Variants in PTPRK observed in about 807,000 individuals in gnomAD.
The protein encoded by PTPRK is protein tyrosine phosphatase receptor type K, also known as receptor-type tyrosine-protein phosphatase kappa.
A neutral mutation model predicts 178.0 loss-of-function variants in PTPRK; 75 were observed. The ratio of observed to expected loss-of-function variants is 0.42; its 90% CI spans 0.35 to 0.51. The LOEUF is 0.51. PTPRK is among the 20% of genes least tolerant of loss of function. The pLI is 0.02. For synonymous variants in PTPRK, 637 were observed against 620.6 expected, an observed-to-expected ratio of 1.03 and a Z score of -0.39; for missense variants, 1,441 against 1,797.8, an observed-to-expected ratio of 0.80 and a Z score of 3.59.
chr6:128,287,244 G>A (rs560033984), intron 3 of PTPRK, among the ~76,000 whole-genome samples: 5 of 152,224 alleles, frequency 3.3e-5, no homozygotes, highest in Non-Finnish European at 5.9e-5. Flanking sequence ...TGGGATGAAC[G>A]TAGGGGGCAC....
chr6:127,979,227 G>C (rs962902115), intron 25 of PTPRK, among the ~76,000 whole-genome samples: 1 of 152,184 alleles, frequency 6.6e-6, no homozygotes, highest in East Asian at 1.9e-4. Flanking sequence ...AGTCATCTGT[G>C]ATCATGCACG....
intron 7 of PTPRK, among the ~76,000 whole-genome samples, chr6:128,114,965 T>C: frequency 6.6e-6 from 1 of 151,512 alleles, no homozygotes; most frequent in South Asian, 2.1e-4. Context: ...TTTATACATG[T>C]GTCTTATTCT....
chr6:128,378,968 A>C (rs1028580752), intron 2 of PTPRK, among the ~76,000 whole-genome samples: 2 of 152,144 alleles, frequency 1.3e-5, no homozygotes, highest in African/African-American at 2.4e-5. Flanking sequence ...AAACTTTAAG[A>C]AGCTATTTTA....
intron 1 of PTPRK, among the ~76,000 whole-genome samples, chr6:128,458,793 A>G (rs1273741021): frequency 6.6e-6 from 1 of 152,220 alleles, no homozygotes; most frequent in African/African-American, 2.4e-5. Context: ...AGAATCACAG[A>G]GCATTTTTCA....
chr6:128,031,957 A>T (rs916214012), intron 13 of PTPRK, among the ~76,000 whole-genome samples: 3 of 152,070 alleles, frequency 2.0e-5, no homozygotes, highest in African/African-American at 7.2e-5. Flanking sequence ...GGCTGTGATA[A>T]GCTCCCAAAT....
At chr6:128,449,094 T>C (rs990928015) in intron 1 of PTPRK, among the ~76,000 whole-genome samples, 4 of 152,020 alleles carry the variant, frequency 2.6e-5, no homozygotes, top group East Asian at 3.9e-4. Context: ...ACTCCTGACC[T>C]CGTGATCCAC....
intron 7 of PTPRK, among the ~76,000 whole-genome samples, chr6:128,098,577 T>C (rs905396726): frequency 2.6e-5 from 4 of 152,164 alleles, no homozygotes; most frequent in Admixed American, 6.6e-5. Flanking sequence ...CCCACAAGTA[T>C]AATTAATACG....
chr6:128,355,650 G>A (rs572661601), intron 2 of PTPRK, among the ~76,000 whole-genome samples: 23 of 152,284 alleles, frequency 1.5e-4, no homozygotes, highest in Non-Finnish European at 2.4e-4. Flanking sequence ...CTGTTGTGGG[G>A]TGGGAGGACG....
chr6:128,278,151 A>G (rs1176065872), intron 3 of PTPRK, among the ~76,000 whole-genome samples: 2 of 149,966 alleles, frequency 1.3e-5, no homozygotes, highest in African/African-American at 4.9e-5. Context: ...TTATTTATTT[A>G]TTTATTTATT....
chr6:128,401,145 CA>C (rs1255920927), intron 1 of PTPRK, among the ~76,000 whole-genome samples: 1 of 152,164 alleles, frequency 6.6e-6, no homozygotes. Context: ...ACAGATCTAT[CA>C]CCGAAATGGT....
chr6:128,397,262 A>G (rs576013258), intron 2 of PTPRK, among the ~76,000 whole-genome samples: 1 of 152,282 alleles, frequency 6.6e-6, no homozygotes, highest in African/African-American at 2.4e-5. Flanking sequence ...TTTTTTGGAA[A>G]GGATTTTTTT....
rs796437222 is a variant in PTPRK at position 128,168,053 on chromosome 6, G to A, written c.1162+16379C>T. 1.4e-4 allele frequency among the ~76,000 whole-genome samples: 21 copies of A among 152,174 alleles called. 1 individual carries two copies. Among genetic ancestry groups the A allele is most frequent in the African/African-American group, 4.8e-4 (20 of 41,564 alleles). On this transcript the variant is annotated intron_variant, in intron 7 of 29. Transcript: ENST00000368226. ...TTATCCTAAAAGCAGAGCAAAATAA[G>A]AGTAGTACTTAGAAGTTAAAATCTC... is the stretch of plus-strand genomic sequence containing the variant.
In PTPRK at chr6:128,017,403, T is replaced by C. The variant is rs139578742; in HGVS notation, c.2195-8135A>G. On this transcript the variant is annotated intron_variant, in intron 13 of 29. Coordinates refer to ENST00000368226, the MANE Select transcript of PTPRK (RefSeq NM_002844.4). ...GAAAGTGAGTTACTTTCAAGAATGC[T>C]TGGTGACCTTTGATTGTGAGTTAAT... is the stretch of plus-strand genomic sequence containing the variant. Among the ~76,000 whole-genome samples, 67 of 152,000 alleles carry C rather than the reference T, an allele frequency of 4.4e-4. 1 individual carries two copies. The East Asian group carries it at 0.012, about 27-fold the overall frequency.
At chr6:128,372,386 A>G (rs1836422326) in intron 2 of PTPRK, among the ~76,000 whole-genome samples, 1 of 152,212 alleles carries the variant, frequency 6.6e-6, no homozygotes. Flanking sequence ...GTGGTAATTA[A>G]AATCATGTTC....
At chr6:128,181,736 T>A (rs897345116) in intron 7 of PTPRK, among the ~76,000 whole-genome samples, 2 of 152,088 alleles carry the variant, frequency 1.3e-5, no homozygotes, top group African/African-American at 4.8e-5. Flanking sequence ...TATTGGTAAT[T>A]TCAAGTCTGG....
chr6:128,156,310 C>T (rs765865802), intron 7 of PTPRK, among the ~76,000 whole-genome samples: 3 of 151,858 alleles, frequency 2.0e-5, no homozygotes, highest in Non-Finnish European at 4.4e-5. Flanking sequence ...TTTGTCCATT[C>T]TCACATTGCT....
chr6:128,192,748 T>C (rs1036420398), intron 6 of PTPRK, among the ~76,000 whole-genome samples: 1 of 150,848 alleles, frequency 6.6e-6, no homozygotes, highest in Admixed American at 6.6e-5. Flanking sequence ...CCTGGGAAAG[T>C]TGAAGCTGTA....
At chr6:128,271,447 A>G (rs1819806728) in intron 3 of PTPRK, among the ~76,000 whole-genome samples, 1 of 152,148 alleles carries the variant, frequency 6.6e-6, no homozygotes. Context: ...ATTCACCCCT[A>G]TCCTGTTATC....
Position 128,429,325 on chromosome 6 carries a change from C to T in PTPRK, c.101-31637G>A, listed in dbSNP as rs1844539635. Reference sequence around the variant, plus strand: ...CCACCATTATAGCCTTGCCCTGCCTCCCTGGTGACAGAGCTGACAGGGGCT... The same window carrying T: ...CCACCATTATAGCCTTGCCCTGCCTTCCTGGTGACAGAGCTGACAGGGGCT... On this transcript the variant is annotated intron_variant, in intron 1 of 29. Coordinates refer to ENST00000368226, the MANE Select transcript of PTPRK (RefSeq NM_002844.4). 2.0e-5 allele frequency among the ~76,000 whole-genome samples: 3 copies of T among 152,218 alleles called. No homozygotes were observed. In the South Asian group the frequency reaches 6.2e-4, roughly 32 times the overall value.
Sources: allele counts gnomAD v4.1 joint callset (sites outside exome capture counted in the v4.1 genomes callset), GRCh38; gene constraint gnomAD v4.1.1; transcripts MANE v1.5; gene names NCBI Gene and HGNC (gene_info 2026-07-23, HGNC 2026-07-21).